The following PLIN2 variants were observed in gnomAD, a reference collection of about 807,000 sequenced individuals.
PLIN2 encodes perilipin-2.
PLIN2 carries 33 observed loss-of-function variants against 30.6 expected under a neutral mutation model. The ratio of observed to expected loss-of-function variants is 1.08; its 90% CI spans 0.82 to 1.44. The LOEUF (loss-of-function observed/expected upper bound fraction) is 1.44. Ranked by LOEUF, PLIN2 falls within the 40% of genes most tolerant of loss-of-function variation. The pLI, the probability that PLIN2 is intolerant of heterozygous loss-of-function variation, is 0.00. For synonymous variants in PLIN2, 205 were observed against 201.1 expected (o/e 1.02, Z -0.16); for missense variants, 610 against 531.8 (o/e 1.15, Z -1.45).
chr9:19,113,774 GTT>G (rs35017527), downstream of PLIN2, among the ~76,000 whole-genome samples: 5 of 131,368 alleles, frequency 3.8e-5, no homozygotes, highest in Non-Finnish European at 6.6e-5. Flanking sequence ...GTTATTTTTG[GTT>G]TTTTTTTTTT....
intron 7 of PLIN2, among the ~76,000 whole-genome samples, 161 bp from the exon 8 acceptor site, chr9:19,116,810 A>T (rs1239994618): frequency 6.6e-6 from 1 of 152,200 alleles, no homozygotes; most frequent in African/African-American, 2.4e-5. Context: ...CACATTTCAT[A>T]GATATGAATA....
intron 1 of PLIN2, among the ~76,000 whole-genome samples, chr9:19,126,730 C>G (rs973150887): frequency 6.6e-6 from 1 of 152,278 alleles, no homozygotes; most frequent in African/African-American, 2.4e-5. Context: ...TCTTGTTTCT[C>G]CGAGTATCTG....
chr9:19,117,817 C>T (rs564806080), intron 7 of PLIN2, among the ~76,000 whole-genome samples: 14 of 152,144 alleles, frequency 9.2e-5, no homozygotes, highest in African/African-American at 3.1e-4. Flanking sequence ...CAGGGTTTCA[C>T]CATGTTGGCC....
At chr9:19,117,868 C>T (rs568438116) in intron 7 of PLIN2, among the ~76,000 whole-genome samples, 6 of 152,204 alleles carry the variant, frequency 3.9e-5, no homozygotes, top group South Asian at 2.1e-4. Context: ...CTACCCGCCT[C>T]GGCCTCCCAA....
At position 19,119,889 on chromosome 9, in the gene PLIN2, G is replaced by T. The variant is rs1818286875; in HGVS notation, c.596-58C>A. ...AGGGATCACAGTGACAAGTGATAAG[G>T]CCTGGACTCTAACCTGGGTCTTGAC... On this transcript the variant is annotated intron_variant, in intron 5 of 7. Coordinates refer to ENST00000276914, the MANE Select transcript of PLIN2 (RefSeq NM_001122.4). 22 of 1,112,548 alleles carry T rather than the reference G, an allele frequency of 2.0e-5. No individual in the cohort carries two copies. The South Asian group carries it at 2.4e-4, about 12-fold the overall frequency. The allele number at this position is 1,112,548 out of a possible 1,614,324, so 68.9% of individuals were successfully genotyped here.
At chr9:19,113,529 C>G (rs1316085064), downstream of PLIN2, among the ~76,000 whole-genome samples, 1 of 151,526 alleles carries the variant, frequency 6.6e-6, no homozygotes, top group East Asian at 1.9e-4. Flanking sequence ...CACCTGTTTA[C>G]TGATTTCTGG....
intron 2 of PLIN2, among the ~76,000 whole-genome samples, chr9:19,110,699 C>T (rs528110760): frequency 1.2e-4 from 18 of 152,260 alleles, no homozygotes; most frequent in African/African-American, 4.1e-4. Context: ...TGGTCTTGAA[C>T]TCCTGACCTC....
At position 19,126,243 on chromosome 9, in the gene PLIN2, A is replaced by G. The variant is rs999521683; in HGVS notation, c.97T>C (p.Tyr33His). Reference sequence around the variant, plus strand: ...GGATACTGGTCCTTTGTACTGAGATAGGCTGAGGACATGAGGTCATACGTG... The same window carrying G: ...GGATACTGGTCCTTTGTACTGAGATGGGCTGAGGACATGAGGTCATACGTG... Reference protein sequence around the residue: ...SSTYDLMSSAYLSTKDQYPYL... With the variant: ...SSTYDLMSSAHLSTKDQYPYL... Residue 33 changes from tyrosine to histidine, a missense_variant, in exon 3 of 8, where the codon TAT becomes CAT. Transcript: ENST00000276914. 1.2e-6 allele frequency: 2 copies of G among 1,614,158 alleles called. No homozygotes were observed. The highest frequency in any genetic ancestry group is 1.7e-6 in the Non-Finnish European group (2 of 1,179,994).
intron 4 of PLIN2, among the ~76,000 whole-genome samples, chr9:19,122,002 G>C (rs998819852): frequency 6.6e-6 from 1 of 151,382 alleles, no homozygotes; most frequent in Admixed American, 6.6e-5. Flanking sequence ...CCAGCTACTG[G>C]GGAGGCTGAA....
At chr9:19,123,386 G>C (rs762200186) in intron 4 of PLIN2, 179 bp downstream of exon 4, 2 of 1,551,374 alleles carry the variant, frequency 1.3e-6, no homozygotes. Context: ...CTGCTTCGTA[G>C]ATACAACTTG....
chr9:19,124,545 T>C (rs1430338747), intron 3 of PLIN2, among the ~76,000 whole-genome samples: 1 of 152,196 alleles, frequency 6.6e-6, no homozygotes, highest in East Asian at 1.9e-4. Context: ...TAAAAGTCCC[T>C]GGCTTAACCA....
At chr9:19,121,264 A>G in intron 4 of PLIN2, 99 bp from the exon 5 acceptor site, 1 of 1,040,624 alleles carries the variant, frequency 9.6e-7, no homozygotes, top group Admixed American at 2.2e-5. Flanking sequence ...GAGTTAAAGA[A>G]GGAATCTAGT....
rs778799901 is a variant in PLIN2, at chr9:19,116,434, C to T, written c.1128G>A (p.Gly376=). The T allele has an allele frequency of 6.2e-7, 1 of 1,614,072 alleles. No homozygotes were observed. Among genetic ancestry groups the T allele is most frequent in the Non-Finnish European group, 8.5e-7 (1 of 1,180,046 alleles). The change falls in exon 8 of 8, where the codon GGG becomes GGA. Residue 376 remains glycine (G), a synonymous_variant. Coordinates refer to ENST00000276914, the MANE Select transcript of PLIN2 (RefSeq NM_001122.4). Reference sequence around the variant, plus strand: ...AAGATTCCTTCATTTTCTGCAGCTGCCCCTTGCTAGAAGTGAGGAGGCTGT... The same window carrying T: ...AAGATTCCTTCATTTTCTGCAGCTGTCCCTTGCTAGAAGTGAGGAGGCTGT... The part of the protein sequence containing the change: ...VSDSLLTSSK[G]QLQKMKESLD...
chr9:19,114,721 G>T (rs1398027493), downstream of PLIN2, among the ~76,000 whole-genome samples: 1 of 152,084 alleles, frequency 6.6e-6, no homozygotes, highest in East Asian at 1.9e-4. Flanking sequence ...CAAGTTCTGA[G>T]ACTCACTTTT....
chr9:19,123,588 T>G lies in PLIN2; in HGVS notation c.286A>C (p.Ile96Leu). 6.2e-7 allele frequency: 1 copy of G among 1,614,228 alleles called. No individual in the cohort carries two copies. Among genetic ancestry groups the G allele is most frequent in the South Asian group, 1.1e-5 (1 of 91,090 alleles). Residue 96 changes from isoleucine (I) to leucine (L), a missense_variant, in exon 4 of 8, where the codon ATT (isoleucine) becomes CTT (leucine). By Grantham distance (5) the Ile-to-Leu change is conservative. Transcript: ENST00000276914. The stretch of plus-strand genomic sequence containing the variant: ...ACCTGAGTTGATGGCTGATTCAGAA[T>G]AGGCAGTCTCTCCTCAATCCTGTCT... ...GLDRIEERLP[I>L]LNQPSTQIVA...
At chr9:19,123,229 A>T (rs1278630482) in intron 4 of PLIN2, 1 of 884,612 alleles carries the variant, frequency 1.1e-6, no homozygotes, top group Non-Finnish European at 1.7e-6. Flanking sequence ...GCCAGGTGAG[A>T]AAAGGTTATA....
In PLIN2 at chr9:19,116,646, T is replaced by G. The variant is rs150058442; in HGVS notation, c.916A>C (p.Ile306Leu). ...GCAATTGCAAGAGTACGTGACTCAATGTGCTAAAAATAAAACTTAAAATTA... is the reference window on the plus strand; with the variant it reads ...GCAATTGCAAGAGTACGTGACTCAAGGTGCTAAAAATAAAACTTAAAATTA... ...DTDESHCAEH[I>L]ESRTLAIARN... The change falls in exon 8 of 8, where the codon ATT becomes CTT. Residue 306 changes from isoleucine (I) to leucine (L), a missense_variant. By Grantham distance (5) the Ile-to-Leu change is conservative. Transcript: ENST00000276914. 11 of 1,609,964 alleles carry G rather than the reference T, an allele frequency of 6.8e-6. No homozygotes were observed. In the African/African-American group the frequency reaches 1.3e-4, roughly 20 times the overall value.
chr9:19,116,118 A>C lies in PLIN2; in HGVS notation c.*130T>G. On this transcript the variant is annotated 3_prime_UTR_variant, in exon 8 of 8. Transcript: ENST00000276914. The stretch of plus-strand genomic sequence containing the variant: ...CTTTAAAGCTCTTAATTCAGCTGGA[A>C]ACAACTACAATTGAGGGCCTTTATA... 1 of 789,812 alleles carries C rather than the reference A, an allele frequency of 1.3e-6. No homozygotes were observed. The highest frequency in any genetic ancestry group is 2.6e-5 in the East Asian group (1 of 38,826). 48.9% of individuals were successfully genotyped at this position (789,812 alleles called of 1,614,324 possible).
chr9:19,121,900 C>T (rs1486606524), intron 4 of PLIN2, among the ~76,000 whole-genome samples: 5 of 152,132 alleles, frequency 3.3e-5, no homozygotes, highest in Non-Finnish European at 7.4e-5. Flanking sequence ...CATTACACTA[C>T]AGCCTGGGCA....
Sources: allele counts gnomAD v4.1 joint callset (sites outside exome capture counted in the v4.1 genomes callset), GRCh38; gene constraint gnomAD v4.1.1; transcripts MANE v1.5; gene names NCBI Gene and HGNC (gene_info 2026-07-23, HGNC 2026-07-21).